LACC1: variants seen among roughly 807,000 people sequenced by gnomAD.
LACC1 encodes the protein purine nucleoside phosphorylase LACC1.
A neutral mutation model predicts 34.8 loss-of-function variants in LACC1; 25 were observed. That is an observed-to-expected ratio of 0.72 (90% CI 0.52 to 1.00). The LOEUF (loss-of-function observed/expected upper bound fraction) is 1.00. Among genes scored for constraint, LACC1 ranks in the 50% least tolerant of loss-of-function variants. The probability of loss-of-function intolerance (pLI) is 0.00; values close to 1 mark genes in which losing one functional copy is unlikely to be tolerated. For missense variants in LACC1, 426 were observed against 511.2 expected (o/e 0.83, Z 1.61); for synonymous variants, 162 against 168.0 (o/e 0.96, Z 0.28).
At position 43,881,423 on chromosome 13, in the gene LACC1, C is replaced by T. The variant is rs748587890; in HGVS notation, c.438C>T (p.Ser146=). The T allele has an allele frequency of 1.2e-6, 2 of 1,613,924 alleles. No homozygotes were observed. The highest frequency in any genetic ancestry group is 1.7e-5 in the Admixed American group (1 of 60,016). The change falls in exon 2 of 7, where the codon TCC becomes TCT. Residue 146 remains serine, a synonymous_variant. Coordinates refer to ENST00000325686, the MANE Select transcript of LACC1 (RefSeq NM_153218.4). ...TTAGGGGAGGGCTTTTTAAACAGTC[C>T]ATTGAAATAAACGTAATCACAGCTC... ...VTFRGGLFKQ[S]IEINVITAQE... is the part of the protein sequence containing the mutation.
chr13:43,882,437 G>C, intron 3 of LACC1, 74 bp downstream of exon 3: 4 of 1,152,108 alleles, frequency 3.5e-6, no homozygotes, highest in Non-Finnish European at 4.9e-6. Context: ...TGGACTTTAA[G>C]CTATTTAACT....
chr13:43,882,141 T>C, intron 2 of LACC1, 44 bp from the exon 3 acceptor site: 1 of 1,490,382 alleles, frequency 6.7e-7, no homozygotes, highest in Non-Finnish European at 9.2e-7. Flanking sequence ...GAGACTGGTA[T>C]TTTGAATAGC....
In LACC1 at chr13:43,881,515, A is replaced by T. The variant is rs1400966393; in HGVS notation, c.530A>T (p.Lys177Ile). 3.1e-6 allele frequency: 5 copies of T among 1,608,574 alleles called. No individual in the cohort carries two copies. In the South Asian group the frequency reaches 5.5e-5, roughly 18 times the overall value. The change falls in exon 2 of 7, where the codon AAA becomes ATA. Residue 177 changes from lysine (K) to isoleucine (I), a missense_variant. Lys to Ile is a moderately radical substitution (Grantham distance 102). Around this residue, in one of 2 missense-constraint regions of LACC1, gnomAD observed 217 missense variants for 210.9 expected, o/e 1.03. Coordinates refer to ENST00000325686, the MANE Select transcript of LACC1 (RefSeq NM_153218.4). ...AGAAGTCTGCCAGCACTGAGAGGAA[A>T]ATTAACTATTATCACTTCTTCTTTG... is the stretch of plus-strand genomic sequence containing the variant. ...FLRSLPALRG[K>I]LTIITSSLIP...
intron 5 of LACC1, chr13:43,889,868 G>T (rs1021379304): frequency 2.5e-6 from 1 of 399,844 alleles, no homozygotes; most frequent in African/African-American, 2.1e-5. Context: ...TCTGTACCTA[G>T]ATTATGTCTA....
intron 4 of LACC1, 95 bp from the exon 5 acceptor site, chr13:43,888,662 C>G: frequency 1.1e-6 from 1 of 941,916 alleles, no homozygotes; most frequent in Non-Finnish European, 1.7e-6. Context: ...GAAAAATATA[C>G]AAACTAAATC....
intron 2 of LACC1, 42 bp from the exon 3 acceptor site, chr13:43,882,143 T>C (rs1273171977): frequency 6.7e-7 from 1 of 1,499,918 alleles, no homozygotes; most frequent in Non-Finnish European, 9.1e-7. Context: ...GACTGGTATT[T>C]TGAATAGCAT....
intron 4 of LACC1, 64 bp from the exon 5 acceptor site, chr13:43,888,693 A>T (rs1955440662): frequency 7.8e-7 from 1 of 1,285,672 alleles, no homozygotes; most frequent in Non-Finnish European, 1.1e-6. Context: ...TAACTTAGAC[A>T]TAAATTCAGG....
intron 6 of LACC1, among the ~76,000 whole-genome samples, chr13:43,890,681 T>C (rs1164054208): frequency 6.6e-6 from 1 of 152,244 alleles, no homozygotes; most frequent in Non-Finnish European, 1.5e-5. Flanking sequence ...TTTCATGTTA[T>C]TTTTGAAAAC....
Position 43,881,509 on chromosome 13 carries a change from G to A in LACC1, c.524G>A (p.Arg175Lys). 1.2e-6 allele frequency: 2 copies of A among 1,609,666 alleles called. No homozygotes were observed. The highest frequency in any genetic ancestry group is 1.7e-6 in the Non-Finnish European group (2 of 1,178,852). ...TTTTTGAGAAGTCTGCCAGCACTGAGAGGAAAATTAACTATTATCACTTCT... is the reference window on the plus strand; with the variant it reads ...TTTTTGAGAAGTCTGCCAGCACTGAAAGGAAAATTAACTATTATCACTTCT... The part of the protein sequence containing the change: ...ETFLRSLPAL[R>K]GKLTIITSSL... Residue 175 changes from arginine to lysine, a missense_variant, in exon 2 of 7, where the codon AGA becomes AAA. By Grantham distance (26) the Arg-to-Lys change is conservative (BLOSUM62 2). Transcript: ENST00000325686.
chr13:43,893,815 A>G lies in LACC1; in HGVS notation c.*2368A>G, dbSNP rs543712536. 31 of 152,250 alleles carry G rather than the reference A, an allele frequency of 2.0e-4. No individual in the cohort carries two copies. Among genetic ancestry groups the G allele is most frequent in the African/African-American group, 7.0e-4 (29 of 41,558 alleles). The allele number at this position is 152,250 out of a possible 1,614,324, so 9.4% of individuals were successfully genotyped here. ...ATTGAGTAAGGTTGATAATTTTCTA[A>G]TTCTTCACTGTGCATTATTTTGTTT... On this transcript the variant is annotated 3_prime_UTR_variant, in exon 7 of 7. Coordinates refer to ENST00000325686, the MANE Select transcript of LACC1 (RefSeq NM_153218.4).
intron 3 of LACC1, among the ~76,000 whole-genome samples, chr13:43,883,568 CAG>C (rs1233334856): frequency 1.0e-4 from 3 of 28,886 alleles, no homozygotes; most frequent in Admixed American, 2.9e-4. Context: ...CATAAACTAT[CAG>C]AGATTATAAT....
chr13:43,891,069 G>A (rs1489123479), intron 6 of LACC1, among the ~76,000 whole-genome samples: 1 of 152,178 alleles, frequency 6.6e-6, no homozygotes, highest in East Asian at 1.9e-4. Context: ...AGTACAGCAT[G>A]GATAACATAA....
intron 6 of LACC1, 28 bp downstream of exon 6, chr13:43,890,302 G>T: frequency 6.4e-7 from 1 of 1,574,338 alleles, no homozygotes. Context: ...TCCTCTCTCC[G>T]TTTTTCCTCT....
At position 43,882,244 on chromosome 13, in the gene LACC1, A is replaced by G; in HGVS notation, c.622A>G (p.Ser208Gly). ...TGGISYIPTL[S>G]SFNLFSSSKR... is the part of the protein sequence containing the mutation. ...TGGGATATCTTATATACCAACTCTT[A>G]GCTCATTCAATCTCTTCAGTAGTTC... Residue 208 changes from serine to glycine, a missense_variant, in exon 3 of 7, where the codon AGC becomes GGC. Physicochemically the swap from Ser to Gly is moderately conservative, Grantham distance 56 (BLOSUM62 0). Around this residue, in one of 2 missense-constraint regions of LACC1, gnomAD observed 209 missense variants for 300.3 expected, o/e 0.70. Transcript: ENST00000325686. 1 of 1,613,392 alleles carries G rather than the reference A, an allele frequency of 6.2e-7. No homozygotes were observed. The highest frequency in any genetic ancestry group is 8.5e-7 in the Non-Finnish European group (1 of 1,179,452).
intron 1 of LACC1, among the ~76,000 whole-genome samples, chr13:43,880,625 ACT>A (rs945540114): frequency 6.6e-6 from 1 of 152,204 alleles, no homozygotes; most frequent in Non-Finnish European, 1.5e-5. Flanking sequence ...ACAGGTTGAC[ACT>A]CTGCAATTTA....
In LACC1 at chr13:43,881,255, C is replaced by G; in HGVS notation, c.270C>G (p.Thr90=). The change falls in exon 2 of 7, where the codon ACC becomes ACG. Residue 90 remains threonine, a synonymous_variant. Coordinates refer to ENST00000325686, the MANE Select transcript of LACC1 (RefSeq NM_153218.4). The part of the protein sequence containing the change: ...SCPSMAATLY[T]IKQKIDEKNL... ...CCAGCATGGCTGCCACTTTGTATAC[C>G]ATTAAACAGAAAATTGATGAAAAAA... 2 of 1,614,078 alleles carry G rather than the reference C, an allele frequency of 1.2e-6. No individual in the cohort carries two copies.
chr13:43,884,438 A>C (rs1216209774), intron 4 of LACC1, among the ~76,000 whole-genome samples: 2 of 152,136 alleles, frequency 1.3e-5, no homozygotes, highest in East Asian at 3.9e-4. Context: ...AGGAAATAGG[A>C]ATGTTAGGCA....
At chr13:43,890,907 C>T (rs1373212782) in intron 6 of LACC1, among the ~76,000 whole-genome samples, 1 of 152,208 alleles carries the variant, frequency 6.6e-6, no homozygotes, top group African/African-American at 2.4e-5. Context: ...ACAAGAGATA[C>T]TGACAACATA....
Position 43,892,573 on chromosome 13 carries a change from A to G in LACC1, c.*1126A>G, listed in dbSNP as rs1955609256. On this transcript the variant is annotated 3_prime_UTR_variant, in exon 7 of 7. Transcript: ENST00000325686. The stretch of plus-strand genomic sequence containing the variant: ...TACATAGAATGAAGGGCATCCAGAT[A>G]GAAATCTTTGGTTAATAATTAGAAA... 1 of 152,142 alleles carries G rather than the reference A, an allele frequency of 6.6e-6. No individual in the cohort carries two copies. Among genetic ancestry groups the G allele is most frequent in the African/African-American group, 2.4e-5 (1 of 41,460 alleles). The allele number at this position is 152,142 out of a possible 1,614,324, so 9.4% of individuals were successfully genotyped here. A position where few individuals can be genotyped will look rare whatever the true frequency, so the allele number is the denominator to read the frequency against.
Sources: gnomAD v4.1 joint callset for allele counts (sites outside exome capture counted in the v4.1 genomes callset) on GRCh38, gnomAD v4.1.1 for gene constraint, gnomAD v4.1.1 regional missense constraint, MANE v1.5 for transcripts, NCBI Gene and HGNC (gene_info 2026-07-23, HGNC 2026-07-21) for gene names.